Variants in GARNL3 observed in about 807,000 individuals in gnomAD.
GARNL3 encodes the protein GTPase activating Rap/RanGAP domain like 3, also known as GTPase-activating Rap/Ran-GAP domain-like protein 3.
GARNL3 carries 63 observed loss-of-function variants against 125.0 expected under a neutral mutation model. The observed-to-expected ratio is 0.50, with a 90% CI of 0.41 to 0.62. GARNL3 has a LOEUF of 0.62. GARNL3 is among the 20% of genes least tolerant of loss of function. GARNL3 has a pLI of 0.00. For missense variants in GARNL3, 994 were observed against 1,244.0 expected, an observed-to-expected ratio of 0.80 and a Z score of 3.02; for synonymous variants, 439 against 457.5, an observed-to-expected ratio of 0.96 and a Z score of 0.52.
upstream of GARNL3, among the ~76,000 whole-genome samples, chr9:127,262,531 A>G (rs923782775): frequency 1.3e-5 from 2 of 152,230 alleles, no homozygotes; most frequent in Non-Finnish European, 2.9e-5. Flanking sequence ...ATGGCCACAC[A>G]TCCTGCAAGA....
At position 127,380,200 on chromosome 9, in the gene GARNL3, ATGTGTGTGTGTGTG is replaced by A. The variant is rs55906930; in HGVS notation, c.2162-3212_2162-3199del. Among the ~76,000 whole-genome samples, 96 of 141,746 alleles carry A rather than the reference ATGTGTGTGTGTGTG, an allele frequency of 6.8e-4. No homozygotes were observed. The East Asian group carries it at 0.012, about 17-fold the overall frequency. 93.0% of individuals were successfully genotyped at this position (141,746 alleles called of 152,430 possible). ...AGAGCAAGACTCTGTCTCAAAAAAT[ATGTGTGTGTGTGTG>A]TGTGTGTGTGTGTGTGTGTGTGTGT... On this transcript the variant is annotated intron_variant, in intron 22 of 27. Transcript: ENST00000373387.
In GARNL3 at chr9:127,354,394, G is replaced by T; in HGVS notation, c.1743G>T (p.Lys581Asn). The change falls in exon 19 of 28, where the codon AAG (lysine) becomes AAT (asparagine). Residue 581 changes from lysine to asparagine, a missense_variant. Physicochemically the swap from Lys to Asn is moderately conservative, Grantham distance 94. This residue lies in a region of GARNL3 where 728 missense variants were observed against 865.7 expected (regional missense o/e 0.84). Transcript: ENST00000373387. ...GCAGGTCTGACTGCAGAGAAAACAA[G>T]TTGGAGAAAACAAAAGGTGACTTGA... ...GKSRSDCREN[K>N]LEKTKGCHLY... 1 of 1,609,722 alleles carries T rather than the reference G, an allele frequency of 6.2e-7. No homozygotes were observed. Among genetic ancestry groups the T allele is most frequent in the Non-Finnish European group, 8.5e-7 (1 of 1,176,654 alleles).
chr9:127,334,881 T>G (rs1829463742), intron 9 of GARNL3, among the ~76,000 whole-genome samples: 1 of 152,260 alleles, frequency 6.6e-6, no homozygotes. Context: ...CCTTTTGGCT[T>G]ATGGACATAA....
chr9:127,270,575 T>C (rs1414670770), intron 1 of GARNL3, among the ~76,000 whole-genome samples: 1 of 152,192 alleles, frequency 6.6e-6, no homozygotes, highest in Non-Finnish European at 1.5e-5. Context: ...TCTTGGGGCT[T>C]CTCACGGCTG....
Position 127,353,827 on chromosome 9 carries a change from ACCAGGTTT to A in GARNL3, c.1544-16_1544-9del. 1.3e-6 allele frequency: 2 copies of A among 1,566,496 alleles called. No individual in the cohort carries two copies. Among genetic ancestry groups the A allele is most frequent in the Non-Finnish European group, 1.8e-6 (2 of 1,136,656 alleles). ...GTGGGCTGGGTTGCAGTGATGGGTA[ACCAGGTTT>A]CCTTTTCCAGATGACCTTCCATCAG... On this transcript the variant is annotated splice_polypyrimidine_tract_variant and intron_variant, in intron 17 of 27. Transcript: ENST00000373387.
chr9:127,322,483 C>T (rs1171750665), intron 6 of GARNL3, among the ~76,000 whole-genome samples: 1 of 152,006 alleles, frequency 6.6e-6, no homozygotes, highest in Non-Finnish European at 1.5e-5. Flanking sequence ...ACAAAAGGTA[C>T]TTTTATGCTT....
intron 22 of GARNL3, among the ~76,000 whole-genome samples, chr9:127,370,996 A>C (rs760193399): frequency 6.6e-6 from 1 of 152,048 alleles, no homozygotes; most frequent in Non-Finnish European, 1.5e-5. Flanking sequence ...TGAACTCGAG[A>C]TCTTTCCTCC....
intron 2 of GARNL3, among the ~76,000 whole-genome samples, chr9:127,247,377 G>A (rs756412404): frequency 1.3e-5 from 2 of 152,140 alleles, no homozygotes; most frequent in Non-Finnish European, 2.9e-5. Context: ...GAAAAGGGAC[G>A]GATCTGGCTT....
chr9:127,227,372 G>A (rs933348635), intron 1 of GARNL3, among the ~76,000 whole-genome samples: 2 of 152,240 alleles, frequency 1.3e-5, no homozygotes, highest in African/African-American at 4.8e-5. Context: ...AGGCCGAGGC[G>A]GATGGATCAT....
At chr9:127,391,302 T>C (rs905963036) in intron 27 of GARNL3, among the ~76,000 whole-genome samples, 6 of 143,836 alleles carry the variant, frequency 4.2e-5, no homozygotes, top group African/African-American at 1.5e-4. Context: ...ATATATATAA[T>C]ATATATTTTA....
chr9:127,377,680 G>A (rs543444775), intron 22 of GARNL3, among the ~76,000 whole-genome samples: 1 of 151,634 alleles, frequency 6.6e-6, no homozygotes, highest in Non-Finnish European at 1.5e-5. Flanking sequence ...CCAGCTACTT[G>A]GGAGGCTGAG....
chr9:127,233,450 G>C (rs2063055391), intron 1 of GARNL3, among the ~76,000 whole-genome samples: 1 of 152,026 alleles, frequency 6.6e-6, no homozygotes, highest in South Asian at 2.1e-4. Flanking sequence ...ATTGATATTG[G>C]GTTGGTAGAA....
intron 4 of GARNL3, 71 bp downstream of exon 4, chr9:127,313,630 A>AC: frequency 9.9e-7 from 1 of 1,009,796 alleles, no homozygotes; most frequent in Non-Finnish European, 1.6e-6. Flanking sequence ...GTGCTGTGGA[A>AC]CTGTGTGCCA....
intron 2 of GARNL3, among the ~76,000 whole-genome samples, chr9:127,254,441 CT>C (rs1228797171): frequency 1.3e-5 from 2 of 152,146 alleles, no homozygotes; most frequent in African/African-American, 4.8e-5. Context: ...AAGAAGACAT[CT>C]GTAATTTGTT....
chr9:127,321,378 A>G (rs570669052), intron 6 of GARNL3, among the ~76,000 whole-genome samples: 1 of 152,168 alleles, frequency 6.6e-6, no homozygotes, highest in African/African-American at 2.4e-5. Flanking sequence ...CAGGCTCCCA[A>G]AGGTGCTGAG....
At chr9:127,317,131 G>A (rs1426897457) in intron 4 of GARNL3, among the ~76,000 whole-genome samples, 1 of 152,186 alleles carries the variant, frequency 6.6e-6, no homozygotes, top group Non-Finnish European at 1.5e-5. Context: ...ATCTGTTCCT[G>A]GGTGGTGTGG....
At chr9:127,297,970 A>C (rs571672594) in intron 2 of GARNL3, among the ~76,000 whole-genome samples, 2 of 152,330 alleles carry the variant, frequency 1.3e-5, no homozygotes, top group South Asian at 4.1e-4. Flanking sequence ...TTCAATTGCT[A>C]TTTCCCAAAC....
chr9:127,322,789 G>T (rs1181373688), intron 6 of GARNL3, among the ~76,000 whole-genome samples: 1 of 152,216 alleles, frequency 6.6e-6, no homozygotes, highest in East Asian at 1.9e-4. Context: ...AAGAGGGAAG[G>T]TGGCTGGTGC....
intron 2 of GARNL3, among the ~76,000 whole-genome samples, chr9:127,298,580 C>T (rs1024935197): frequency 2.6e-5 from 4 of 152,156 alleles, no homozygotes; most frequent in African/African-American, 9.7e-5. Context: ...TTCATTTCTA[C>T]CATTTTATAC....
Sources: gnomAD v4.1 joint callset for allele counts (sites outside exome capture counted in the v4.1 genomes callset) on GRCh38, gnomAD v4.1.1 for gene constraint, gnomAD v4.1.1 regional missense constraint, MANE v1.5 for transcripts, NCBI Gene and HGNC (gene_info 2026-07-23, HGNC 2026-07-21) for gene names.